The following CGRRF1 variants were observed in gnomAD, a reference collection of about 807,000 sequenced individuals.
CGRRF1 encodes cell growth regulator with ring finger domain 1, also known as cell growth regulator with RING finger domain protein 1.
CGRRF1 carries 32 observed loss-of-function variants against 37.2 expected under a neutral mutation model. The observed-to-expected ratio is 0.86, with a 90% CI of 0.65 to 1.16. The LOEUF is 1.16. Ranked by LOEUF, CGRRF1 falls within the 50% of genes most tolerant of loss-of-function variation. CGRRF1 has a pLI of 0.00. For synonymous variants in CGRRF1, 141 were observed against 140.3 expected (o/e 1.00, Z -0.04); for missense variants, 391 against 382.6 (o/e 1.02, Z -0.18).
At chr14:54,522,727 T>G in intron 2 of CGRRF1, 134 bp downstream of exon 2, 1 of 825,382 alleles carries the variant, frequency 1.2e-6, no homozygotes, top group Non-Finnish European at 1.9e-6. Context: ...TTGTTCCAGG[T>G]GCTGTACTGT....
chr14:54,521,520 T>G (rs899667651), intron 1 of CGRRF1, among the ~76,000 whole-genome samples: 16 of 151,918 alleles, frequency 1.1e-4, no homozygotes, highest in Non-Finnish European at 1.9e-4. Flanking sequence ...TTTTTTCTTT[T>G]GAGAGACGAA....
chr14:54,524,468 C>G (rs993995555), intron 2 of CGRRF1, among the ~76,000 whole-genome samples: 1 of 151,544 alleles, frequency 6.6e-6, no homozygotes, highest in Non-Finnish European at 1.5e-5. Context: ...TCACTGCAGC[C>G]CCAATACCCT....
chr14:54,536,742 G>A (rs2032607245), intron 4 of CGRRF1: 1 of 151,948 alleles, frequency 6.6e-6, no homozygotes, highest in Non-Finnish European at 1.5e-5. Context: ...TCATAAATTA[G>A]GAATATTAAC....
At chr14:54,514,916 ATC>A (rs1394036420) in intron 1 of CGRRF1, among the ~76,000 whole-genome samples, 13 of 152,116 alleles carry the variant, frequency 8.5e-5, no homozygotes, top group Admixed American at 7.2e-4. Flanking sequence ...TTTTAAAGAT[ATC>A]TCTGTTACTG....
chr14:54,518,152 G>C (rs760813749), intron 1 of CGRRF1, among the ~76,000 whole-genome samples: 1 of 152,150 alleles, frequency 6.6e-6, no homozygotes, highest in Non-Finnish European at 1.5e-5. Context: ...TAATAGGATT[G>C]CTGGGTCAAA....
intron 2 of CGRRF1, among the ~76,000 whole-genome samples, chr14:54,524,449 G>A (rs906456537): frequency 2.1e-5 from 3 of 144,336 alleles, no homozygotes; most frequent in African/African-American, 7.7e-5. Flanking sequence ...GCAGTAGTAT[G>A]ATCATACCTC....
At chr14:54,514,153 A>T (rs938577003) in intron 1 of CGRRF1, among the ~76,000 whole-genome samples, 3 of 152,196 alleles carry the variant, frequency 2.0e-5, no homozygotes, top group Non-Finnish European at 4.4e-5. Context: ...TGAGGCCCAG[A>T]TCTCTGCATG....
chr14:54,518,792 GT>G (rs1454502382), intron 1 of CGRRF1, among the ~76,000 whole-genome samples: 1 of 152,186 alleles, frequency 6.6e-6, no homozygotes, highest in African/African-American at 2.4e-5. Context: ...TAATGGGGTT[GT>G]TTTTTTCTTG....
chr14:54,527,378 G>C (rs1225098329), intron 2 of CGRRF1, among the ~76,000 whole-genome samples: 1 of 152,048 alleles, frequency 6.6e-6, no homozygotes, highest in East Asian at 1.9e-4. Flanking sequence ...GAGTTAATGG[G>C]TGCAGGACAC....
chr14:54,515,318 G>A (rs1017155358), intron 1 of CGRRF1, among the ~76,000 whole-genome samples: 15 of 151,490 alleles, frequency 9.9e-5, no homozygotes, highest in African/African-American at 1.9e-4. Flanking sequence ...GGTCTCGATC[G>A]CTTGACCTCA....
chr14:54,523,803 C>T (rs2032362434), intron 2 of CGRRF1, among the ~76,000 whole-genome samples: 1 of 152,104 alleles, frequency 6.6e-6, no homozygotes. Context: ...GAAATTCTTT[C>T]GTGACAGTTC....
intron 1 of CGRRF1, among the ~76,000 whole-genome samples, chr14:54,520,118 A>C (rs542628878): frequency 2.0e-5 from 3 of 151,740 alleles, no homozygotes; most frequent in Admixed American, 2.0e-4. Flanking sequence ...TTATTTATTT[A>C]TTTTTTTTGA....
rs1418424346 is a variant in CGRRF1 at position 54,509,923 on chromosome 14, G to C, written c.-37G>C. 1 of 1,511,112 alleles carries C rather than the reference G, an allele frequency of 6.6e-7. No individual in the cohort carries two copies. The highest frequency in any genetic ancestry group is 9.2e-7 in the Non-Finnish European group (1 of 1,087,268). 93.6% of individuals were successfully genotyped at this position (1,511,112 alleles called of 1,614,324 possible). On this transcript the variant is annotated 5_prime_UTR_variant, in exon 1 of 6. Coordinates refer to ENST00000216420, the MANE Select transcript of CGRRF1 (RefSeq NM_006568.3). The stretch of plus-strand genomic sequence containing the variant: ...GCTCAGCCGGGCTGGGCTGGGCTCC[G>C]CGGCTGGAGCCGGGCTCTACCCAGA...
At chr14:54,526,627 A>T (rs1393383418) in intron 2 of CGRRF1, among the ~76,000 whole-genome samples, 1 of 152,160 alleles carries the variant, frequency 6.6e-6, no homozygotes, top group African/African-American at 2.4e-5. Context: ...AATGAAATTG[A>T]AAGTTAGATA....
At chr14:54,513,566 T>G (rs2032163844) in intron 1 of CGRRF1, among the ~76,000 whole-genome samples, 1 of 146,556 alleles carries the variant, frequency 6.8e-6, no homozygotes, top group Non-Finnish European at 1.5e-5. Context: ...TGGACACAGT[T>G]TTATGTTATG....
chr14:54,531,035 G>C lies in CGRRF1; in HGVS notation c.555G>C (p.Arg185=). ...ALLTLADEDD[R]EIYDIISMVS... ...TGACCTTAGCTGATGAGGATGACCG[G>C]GAAATTTATGATATTGTAAGTAATT... The change falls in exon 4 of 6, where the codon CGG becomes CGC. Residue 185 remains arginine (R), a synonymous_variant. Transcript: ENST00000216420. The C allele has an allele frequency of 1.2e-6, 2 of 1,608,246 alleles. No individual in the cohort carries two copies. Among genetic ancestry groups the C allele is most frequent in the African/African-American group, 1.3e-5 (1 of 74,618 alleles).
At chr14:54,514,478 T>C (rs1217536737) in intron 1 of CGRRF1, among the ~76,000 whole-genome samples, 2 of 152,218 alleles carry the variant, frequency 1.3e-5, no homozygotes, top group East Asian at 3.9e-4. Context: ...CAGAGGTACA[T>C]GTGAAGGTTT....
chr14:54,530,652 C>T (rs539620782), intron 3 of CGRRF1: 13 of 836,692 alleles, frequency 1.6e-5, no homozygotes, highest in Non-Finnish European at 2.2e-5. Context: ...GTGTTGCTAA[C>T]TTATTGATCA....
chr14:54,521,210 C>T (rs1265299070), intron 1 of CGRRF1, among the ~76,000 whole-genome samples: 3 of 152,044 alleles, frequency 2.0e-5, no homozygotes, highest in Admixed American at 1.3e-4. Context: ...CCTGTAATCC[C>T]AGCACTTTGG....
Sources: allele counts gnomAD v4.1 joint callset (sites outside exome capture counted in the v4.1 genomes callset), GRCh38; gene constraint gnomAD v4.1.1; transcripts MANE v1.5; gene names NCBI Gene and HGNC (gene_info 2026-07-23, HGNC 2026-07-21).